The following RYR3 variants were observed in gnomAD, a reference collection of about 807,000 sequenced individuals.
The protein encoded by RYR3 is ryanodine receptor 3.
A neutral mutation model predicts 584.3 loss-of-function variants in RYR3; 207 were observed. That is an observed-to-expected ratio of 0.35 (90% CI 0.32 to 0.40). The LOEUF is 0.40. RYR3 is among the 10% of genes least tolerant of loss of function. The pLI, the probability that RYR3 is intolerant of heterozygous loss-of-function variation, is 1.00. For missense variants in RYR3, 5,616 were observed against 6,089.2 expected (o/e 0.92, Z 2.59); for synonymous variants, 2,416 against 2,248.5 (o/e 1.07, Z -2.11).
At chr15:33,457,509 C>A (rs2142034596) in intron 1 of RYR3, among the ~76,000 whole-genome samples, 1 of 152,242 alleles carries the variant, frequency 6.6e-6, no homozygotes, top group East Asian at 1.9e-4. Flanking sequence ...CAGTATCACA[C>A]ATATGTGAAA....
chr15:33,858,039 G>A, intron 99 of RYR3, 125 bp downstream of exon 99: 2 of 1,250,980 alleles, frequency 1.6e-6, no homozygotes, highest in Non-Finnish European at 2.2e-6. Context: ...ACAGAGCACA[G>A]CAGAGATTAA....
At chr15:33,435,846 G>C (rs2045670705) in intron 1 of RYR3, among the ~76,000 whole-genome samples, 1 of 152,204 alleles carries the variant, frequency 6.6e-6, no homozygotes, top group Non-Finnish European at 1.5e-5. Context: ...ACAGAACAAA[G>C]CTTCCACAGC....
intron 1 of RYR3, among the ~76,000 whole-genome samples, chr15:33,391,076 G>A (rs1295219172): frequency 6.6e-6 from 1 of 152,124 alleles, no homozygotes; most frequent in Non-Finnish European, 1.5e-5. Context: ...GAAGGTGAGA[G>A]TAATCTTTGG....
chr15:33,769,041 A>G lies in RYR3; in HGVS notation c.8756-71A>G, dbSNP rs1053352708. On this transcript the variant is annotated intron_variant, in intron 61 of 103. Coordinates refer to ENST00000634891, the MANE Select transcript of RYR3 (RefSeq NM_001036.6). Reference sequence around the variant, plus strand: ...TACGCTGGGGCTGTGGCTTGTGCATATGGAGAAGACTGCATTTGAAAGACA... The same window carrying G: ...TACGCTGGGGCTGTGGCTTGTGCATGTGGAGAAGACTGCATTTGAAAGACA... 24 of 1,151,454 alleles carry G rather than the reference A, an allele frequency of 2.1e-5. No homozygotes were observed. The African/African-American group carries it at 3.3e-4, about 16-fold the overall frequency. The allele number at this position is 1,151,454 out of a possible 1,614,324, so 71.3% of individuals were successfully genotyped here. A position where few individuals can be genotyped will look rare whatever the true frequency, so the allele number is the denominator to read the frequency against.
intron 10 of RYR3, among the ~76,000 whole-genome samples, chr15:33,554,462 A>AT (rs1191590445): frequency 1.1e-4 from 17 of 151,718 alleles, no homozygotes; most frequent in Admixed American, 1.3e-4. Flanking sequence ...CACCGGGCTA[A>AT]TTTTTTTGTA....
intron 60 of RYR3, among the ~76,000 whole-genome samples, chr15:33,761,250 G>C (rs1171705679): frequency 6.6e-6 from 1 of 151,996 alleles, no homozygotes; most frequent in Non-Finnish European, 1.5e-5. Context: ...AAATAACTAA[G>C]ATCAGAGCAG....
chr15:33,800,415 C>T (rs1027944974), intron 67 of RYR3, among the ~76,000 whole-genome samples: 3 of 152,048 alleles, frequency 2.0e-5, no homozygotes, highest in Non-Finnish European at 4.4e-5. Flanking sequence ...GAAGCATGTC[C>T]CAAAACTTAG....
In RYR3 at chr15:33,628,570, G is replaced by T. The variant is rs201437918; in HGVS notation, c.2674G>T (p.Gly892Cys). ...TAAAATAGAACTTGGCTGGACTTTC[G>T]GCAAGGTATGTGTCTCAGGGCCAGG... ...MNKIELGWTFGKIRDDNKRQH... is the reference protein window; with the variant it reads ...MNKIELGWTFCKIRDDNKRQH... Residue 892 changes from glycine (G) to cysteine (C), a missense_variant, in exon 21 of 104, where the codon GGC (glycine) becomes TGC (cysteine). Physicochemically the swap from Gly to Cys is radical, Grantham distance 159. Coordinates refer to ENST00000634891, the MANE Select transcript of RYR3 (RefSeq NM_001036.6). 1.2e-6 allele frequency: 2 copies of T among 1,606,632 alleles called. No homozygotes were observed. The highest frequency in any genetic ancestry group is 1.7e-6 in the Non-Finnish European group (2 of 1,173,396).
chr15:33,336,852 G>A (rs868605192), intron 1 of RYR3, among the ~76,000 whole-genome samples: 28 of 151,590 alleles, frequency 1.8e-4, no homozygotes, highest in Admixed American at 4.6e-4. Context: ...TCAGGAGATC[G>A]AGACCGTCCT....
rs202159384 is a variant in RYR3 at position 33,652,578 on chromosome 15, G to GA, written c.4143-132dup. ...TTGAAGCTAAATAAACTCATTTAAG[G>GA]AAAAAAAAGTATTTGGGGCTGAACA... On this transcript the variant is annotated intron_variant, in intron 31 of 103. Coordinates refer to ENST00000634891, the MANE Select transcript of RYR3 (RefSeq NM_001036.6). The GA allele has an allele frequency of 1.1e-3, 931 of 828,694 alleles. 7 individuals are homozygous for GA. In the African/African-American group the frequency reaches 0.013, roughly 11 times the overall value. The allele number at this position is 828,694 out of a possible 1,614,324, so 51.3% of individuals were successfully genotyped here. A position where few individuals can be genotyped will look rare whatever the true frequency, so the allele number is the denominator to read the frequency against.
rs2078379519 is a variant in RYR3 at position 33,841,749 on chromosome 15, G to T, written c.13038-115G>T. 4 of 1,046,622 alleles carry T rather than the reference G, an allele frequency of 3.8e-6. No homozygotes were observed. The South Asian group carries it at 5.4e-5, about 14-fold the overall frequency. 64.8% of individuals were successfully genotyped at this position (1,046,622 alleles called of 1,614,324 possible). A position where few individuals can be genotyped will look rare whatever the true frequency, so the allele number is the denominator to read the frequency against. On this transcript the variant is annotated intron_variant, in intron 90 of 103. Transcript: ENST00000634891. ...AAAGACCTGAAGTTTCCACCTTCAA[G>T]GAATGATTCTACCTCCCGGCCCTCT... is the stretch of plus-strand genomic sequence containing the variant.
chr15:33,752,532 G>T (rs2071412871), intron 57 of RYR3, among the ~76,000 whole-genome samples: 1 of 150,822 alleles, frequency 6.6e-6, no homozygotes, highest in African/African-American at 2.4e-5. Flanking sequence ...CTCTCTGTTT[G>T]TCTTTTATTG....
intron 1 of RYR3, among the ~76,000 whole-genome samples, chr15:33,350,785 C>A (rs1290314482): frequency 2.6e-5 from 4 of 151,732 alleles, no homozygotes; most frequent in Non-Finnish European, 4.4e-5. Context: ...ATTTATAGCA[C>A]TAAATGCCCA....
intron 20 of RYR3, 51 bp downstream of exon 20, chr15:33,624,074 G>A: frequency 1.7e-6 from 2 of 1,194,734 alleles, no homozygotes; most frequent in Non-Finnish European, 1.2e-6. Context: ...AAGCAATAGA[G>A]TTAAATACTT....
At chr15:33,413,625 A>T (rs1363849008) in intron 1 of RYR3, among the ~76,000 whole-genome samples, 1 of 152,202 alleles carries the variant, frequency 6.6e-6, no homozygotes, top group Non-Finnish European at 1.5e-5. Flanking sequence ...TCAAAATTGC[A>T]AAGTGGGTCA....
chr15:33,830,486 G>A (rs562757412), intron 85 of RYR3, among the ~76,000 whole-genome samples: 68 of 152,118 alleles, frequency 4.5e-4, no homozygotes, highest in Non-Finnish European at 7.8e-4. Context: ...TTTGATGTAC[G>A]CTGAGAAATC....
chr15:33,547,932 C>T (rs2056368862), intron 8 of RYR3, among the ~76,000 whole-genome samples, 198 bp from the exon 9 acceptor site: 1 of 152,160 alleles, frequency 6.6e-6, no homozygotes, highest in African/African-American at 2.4e-5. Flanking sequence ...CAGTTCCCTC[C>T]CCTCTAGCTG....
Position 33,311,817 on chromosome 15 carries a change from TC to T in RYR3, c.51+723del, listed in dbSNP as rs1967355959. Among the ~76,000 whole-genome samples the T allele has an allele frequency of 6.6e-6, 1 of 152,212 alleles. No individual in the cohort carries two copies. The highest frequency in any genetic ancestry group is 1.5e-5 in the Non-Finnish European group (1 of 68,024). On this transcript the variant is annotated intron_variant, in intron 1 of 103. Transcript: ENST00000634891. This position sits in a 1 kb window ranked among gnomAD's most constrained non-coding sequence, Gnocchi z 4.4. Reference sequence around the variant, plus strand: ...GTGGCTCCGCGTCACTCAGGTCCCCTCCTTGACACCTGAGGGCGCTGCTCCG... The same window carrying T: ...GTGGCTCCGCGTCACTCAGGTCCCCTCTTGACACCTGAGGGCGCTGCTCCG...
chr15:33,846,092 T>A (rs1335396022), intron 93 of RYR3, among the ~76,000 whole-genome samples: 2 of 152,246 alleles, frequency 1.3e-5, no homozygotes, highest in Non-Finnish European at 2.9e-5. Flanking sequence ...TCTGTCTCCC[T>A]CTTTCTCTCC....
Sources: gnomAD v4.1 joint callset for allele counts (sites outside exome capture counted in the v4.1 genomes callset) on GRCh38, gnomAD v4.1.1 for gene constraint, Gnocchi (gnomAD v3.1) non-coding constraint, MANE v1.5 for transcripts, NCBI Gene and HGNC (gene_info 2026-07-23, HGNC 2026-07-21) for gene names.